Variants in KLF7 observed in about 807,000 individuals in gnomAD.
KLF7 encodes KLF transcription factor 7, also known as Krueppel-like factor 7.
In KLF7, 2 loss-of-function variants were observed where a neutral mutation model predicts 27.3. The ratio of observed to expected loss-of-function variants is 0.07; its 90% CI spans 0.03 to 0.23. The LOEUF (loss-of-function observed/expected upper bound fraction) is 0.23, where lower values mean the gene tolerates loss of function less well. KLF7 is among the 10% of genes least tolerant of loss of function. The pLI, the probability that KLF7 is intolerant of heterozygous loss-of-function variation, is 1.00. For synonymous variants in KLF7, 165 were observed against 162.4 expected (o/e 1.02, Z -0.12); for missense variants, 221 against 394.1 (o/e 0.56, Z 3.72).
intron 2 of KLF7, among the ~76,000 whole-genome samples, chr2:207,101,408 C>T (rs1277780053): frequency 6.6e-6 from 1 of 152,148 alleles, no homozygotes; most frequent in Non-Finnish European, 1.5e-5. Flanking sequence ...CTTGGTAAGA[C>T]TATTAGAGCA....
chr2:207,160,776 C>T (rs1020358687), intron 1 of KLF7, among the ~76,000 whole-genome samples: 1 of 152,174 alleles, frequency 6.6e-6, no homozygotes, highest in Non-Finnish European at 1.5e-5. Context: ...GGCAAATTAG[C>T]CCCCACTGGC....
At chr2:207,162,165 G>A (rs2078568543) in intron 1 of KLF7, among the ~76,000 whole-genome samples, 1 of 151,912 alleles carries the variant, frequency 6.6e-6, no homozygotes. Context: ...AGTCAGCAGT[G>A]TGTCTAAAAA....
intron 1 of KLF7, among the ~76,000 whole-genome samples, chr2:207,161,131 T>C (rs889474330): frequency 3.9e-5 from 6 of 152,244 alleles, no homozygotes; most frequent in African/African-American, 1.4e-4. Flanking sequence ...CAAAGATGTG[T>C]CTGTTAAAGG....
At chr2:207,154,818 C>T (rs147322795) in intron 1 of KLF7, among the ~76,000 whole-genome samples, 152 of 152,298 alleles carry the variant, frequency 1.0e-3, no homozygotes, top group African/African-American at 3.0e-3. Flanking sequence ...CAAGGTTCCA[C>T]CTCTGCTTGA....
intron 2 of KLF7, among the ~76,000 whole-genome samples, chr2:207,111,149 T>C (rs2077026068): frequency 6.6e-6 from 1 of 152,214 alleles, no homozygotes; most frequent in South Asian, 2.1e-4. Context: ...CAACTAATGA[T>C]CTCACATTTT....
chr2:207,092,791 T>C (rs893115929), intron 2 of KLF7, among the ~76,000 whole-genome samples: 1 of 152,234 alleles, frequency 6.6e-6, no homozygotes, highest in Admixed American at 6.5e-5. Context: ...GGCTTATTCA[T>C]GAACCATACA....
intron 2 of KLF7, among the ~76,000 whole-genome samples, chr2:207,110,826 GT>G (rs2077017084): frequency 6.6e-6 from 1 of 152,206 alleles, no homozygotes; most frequent in Non-Finnish European, 1.5e-5. Flanking sequence ...GACCTGGTGG[GT>G]AGGTCATCTT....
At chr2:207,132,215 G>T (rs1406612194) in intron 1 of KLF7, among the ~76,000 whole-genome samples, 3 of 152,090 alleles carry the variant, frequency 2.0e-5, no homozygotes, top group African/African-American at 7.2e-5. Context: ...CACCCCAGAG[G>T]TACAATAGCA....
At chr2:207,123,204 T>C (rs2077386586) in intron 2 of KLF7, among the ~76,000 whole-genome samples, 1 of 151,368 alleles carries the variant, frequency 6.6e-6, no homozygotes, top group Admixed American at 6.6e-5. Context: ...TAAAAAGCAA[T>C]TCTGCCATCT....
the KLF7 span, among the ~76,000 whole-genome samples, chr2:207,172,360 T>A: frequency 1.3e-5 from 2 of 152,190 alleles, no homozygotes; most frequent in African/African-American, 4.8e-5. Context: ...TCAACACGAC[T>A]GTTCATCCTT....
chr2:207,086,428 G>A (rs1194322102), intron 3 of KLF7, among the ~76,000 whole-genome samples: 2 of 152,142 alleles, frequency 1.3e-5, no homozygotes, highest in Non-Finnish European at 2.9e-5. Context: ...TGATGCTGTC[G>A]AAAATGCACT....
At chr2:207,168,324 G>A (rs927862322), upstream of KLF7, among the ~76,000 whole-genome samples, 1 of 152,138 alleles carries the variant, frequency 6.6e-6, no homozygotes, top group African/African-American at 2.4e-5. Context: ...CGAATGTGCC[G>A]TATGCGCATA....
Position 207,088,470 on chromosome 2 carries a change from T to C in KLF7, c.845A>G (p.Asn282Ser). The part of the protein sequence containing the change: ...KHTGAKPFKC[N>S]HCDRCFSRSD... The stretch of plus-strand genomic sequence containing the variant: ...TACTTCTCTTTACCTGTCGCAGTGG[T>C]TGCATTTGAAGGGCTTTGCACCTGT... Residue 282 changes from asparagine (N) to serine (S), a missense_variant, in exon 3 of 4, where the codon AAC (asparagine) becomes AGC (serine). Transcript: ENST00000309446. The C allele has an allele frequency of 1.9e-6, 3 of 1,613,714 alleles. No homozygotes were observed. Among genetic ancestry groups the C allele is most frequent in the Middle Eastern group, 1.7e-4 (1 of 6,058 alleles).
intron 2 of KLF7, among the ~76,000 whole-genome samples, chr2:207,122,256 C>T (rs115060749): frequency 2.0e-3 from 306 of 152,194 alleles, no homozygotes; most frequent in African/African-American, 7.1e-3. Flanking sequence ...GGTCTCTATG[C>T]CTGAGCCACG....
At chr2:207,138,809 T>G (rs1212191098) in intron 1 of KLF7, among the ~76,000 whole-genome samples, 1 of 152,222 alleles carries the variant, frequency 6.6e-6, no homozygotes, top group Admixed American at 6.5e-5. Flanking sequence ...ATGTTTTCTC[T>G]GCTGAGAATC....
Position 207,141,691 on chromosome 2 carries a change from G to C in KLF7, c.103-17287C>G, listed in dbSNP as rs77667367. Among the ~76,000 whole-genome samples, 253 of 152,258 alleles carry C rather than the reference G, an allele frequency of 1.7e-3. 1 individual carries two copies. The highest frequency in any genetic ancestry group is 5.9e-3 in the African/African-American group (244 of 41,550). Reference sequence around the variant, plus strand: ...GTTGGCAATGAGTATTAAAAAGTTAGAGTGCGTGAGACAAGCAAAGGGCCC... The same window carrying C: ...GTTGGCAATGAGTATTAAAAAGTTACAGTGCGTGAGACAAGCAAAGGGCCC... On this transcript the variant is annotated intron_variant, in intron 1 of 3. Coordinates refer to ENST00000309446, the MANE Select transcript of KLF7 (RefSeq NM_003709.4).
rs1363296872 is a variant in KLF7, at chr2:207,077,890, C to A, written c.*3323G>T. 1.3e-5 allele frequency: 2 copies of A among 152,168 alleles called. No homozygotes were observed. The highest frequency in any genetic ancestry group is 2.9e-5 in the Non-Finnish European group (2 of 68,040). 9.4% of individuals were successfully genotyped at this position (152,168 alleles called of 1,614,324 possible). ...GCTTGTTAGGACACCACCAGAAACA[C>A]CAGGCCGGGTTTTTCCTTTCAAATT... On this transcript the variant is annotated 3_prime_UTR_variant, in exon 4 of 4. Transcript: ENST00000309446.
In KLF7 at chr2:207,079,060, ATTTT is replaced by A. The variant is rs2076223842; in HGVS notation, c.*2149_*2152del. On this transcript the variant is annotated 3_prime_UTR_variant, in exon 4 of 4. Coordinates refer to ENST00000309446, the MANE Select transcript of KLF7 (RefSeq NM_003709.4). The stretch of plus-strand genomic sequence containing the variant: ...CTTTCTTTTTTTTTCGTTTTGTATT[ATTTT>A]GTTTTTTTTTTTGTTTTTGTTTTTG... The A allele has an allele frequency of 1.5e-5, 1 of 65,236 alleles. No homozygotes were observed. The highest frequency in any genetic ancestry group is 3.2e-5 in the Non-Finnish European group (1 of 31,172). The allele number at this position is 65,236 out of a possible 1,614,324, so 4.0% of individuals were successfully genotyped here. A position where few individuals can be genotyped will look rare whatever the true frequency, so the allele number is the denominator to read the frequency against.
chr2:207,130,005 G>C (rs756935590), intron 1 of KLF7, among the ~76,000 whole-genome samples: 3 of 152,178 alleles, frequency 2.0e-5, no homozygotes, highest in Non-Finnish European at 4.4e-5. Context: ...TATGGGCATG[G>C]TGCCAAGGTT....
Sources: gnomAD v4.1 joint callset for allele counts (sites outside exome capture counted in the v4.1 genomes callset) on GRCh38, gnomAD v4.1.1 for gene constraint, MANE v1.5 for transcripts, NCBI Gene and HGNC (gene_info 2026-07-23, HGNC 2026-07-21) for gene names.